The following PRKG1 variants were observed in gnomAD, a reference collection of about 807,000 sequenced individuals.
PRKG1 encodes cGMP-dependent protein kinase 1.
In PRKG1, 35 loss-of-function variants were observed where a neutral mutation model predicts 88.1. The ratio of observed to expected loss-of-function variants is 0.40; its 90% CI spans 0.30 to 0.53. The LOEUF is 0.53. Ranked by LOEUF, PRKG1 falls within the 20% of genes least tolerant of loss-of-function variation. The pLI is 0.59. For synonymous variants in PRKG1, 303 were observed against 292.5 expected, an observed-to-expected ratio of 1.04 and a Z score of -0.37; for missense variants, 540 against 839.8, an observed-to-expected ratio of 0.64 and a Z score of 4.41.
intron 3 of PRKG1, among the ~76,000 whole-genome samples, chr10:51,571,257 T>C (rs1018370840): frequency 1.3e-5 from 2 of 151,970 alleles, no homozygotes; most frequent in Non-Finnish European, 2.9e-5. Flanking sequence ...ATTATAATTC[T>C]CATTTTTAAA....
chr10:51,591,972 G>T (rs78064589), intron 3 of PRKG1, among the ~76,000 whole-genome samples: 1 of 152,084 alleles, frequency 6.6e-6, no homozygotes, highest in Non-Finnish European at 1.5e-5. Context: ...CCCCTGTTAG[G>T]GGGGAAAACA....
chr10:51,246,324 A>G (rs1385083188), intron 2 of PRKG1, among the ~76,000 whole-genome samples: 4 of 152,126 alleles, frequency 2.6e-5, no homozygotes, highest in Non-Finnish European at 4.4e-5. Flanking sequence ...ATGGGAGCAG[A>G]GGTTGCAAAC....
At chr10:51,513,561 C>G (rs1841485831) in intron 3 of PRKG1, among the ~76,000 whole-genome samples, 1 of 91,528 alleles carries the variant, frequency 1.1e-5, no homozygotes, top group Non-Finnish European at 2.2e-5. Flanking sequence ...CAGCACCACA[C>G]CACACCTATT....
At chr10:51,255,787 T>C (rs1839542482) in intron 2 of PRKG1, among the ~76,000 whole-genome samples, 1 of 152,130 alleles carries the variant, frequency 6.6e-6, no homozygotes, top group Non-Finnish European at 1.5e-5. Flanking sequence ...CTGACCATCT[T>C]TGGGACTGGG....
intron 9 of PRKG1, among the ~76,000 whole-genome samples, chr10:52,221,955 T>C (rs1341146225): frequency 2.0e-5 from 3 of 152,172 alleles, no homozygotes; most frequent in Admixed American, 2.0e-4. Flanking sequence ...TAGGTGTTGA[T>C]GAAAAAGGTT....
intron 5 of PRKG1, among the ~76,000 whole-genome samples, chr10:51,973,220 C>A (rs539002953): frequency 3.2e-4 from 49 of 152,134 alleles, no homozygotes; most frequent in Non-Finnish European, 5.9e-4. Context: ...TGCTATGAAC[C>A]AAGGTGAAAT....
intron 5 of PRKG1, among the ~76,000 whole-genome samples, chr10:52,051,944 G>C (rs78066648): frequency 2.0e-5 from 3 of 150,100 alleles, no homozygotes; most frequent in African/African-American, 7.4e-5. Context: ...CTTCATTCAC[G>C]TGGAAGGAAG....
chr10:51,015,809 C>T (rs1372131025), intron 1 of PRKG1, among the ~76,000 whole-genome samples: 1 of 152,102 alleles, frequency 6.6e-6, no homozygotes, highest in South Asian at 2.1e-4. Flanking sequence ...ATCGCTTGAA[C>T]CTGGAAGGTG....
intron 3 of PRKG1, among the ~76,000 whole-genome samples, chr10:51,488,045 G>C (rs1200699093): frequency 2.0e-5 from 3 of 152,010 alleles, no homozygotes; most frequent in East Asian, 1.9e-4. Flanking sequence ...ATTAAAATGA[G>C]ACTACATTTT....
chr10:51,921,818 A>G (rs1842469180), intron 5 of PRKG1, among the ~76,000 whole-genome samples: 1 of 151,878 alleles, frequency 6.6e-6, no homozygotes, highest in Admixed American at 6.6e-5. Context: ...ACTTGATAAT[A>G]CTCTGATGAA....
chr10:51,400,696 A>G (rs923913837), intron 2 of PRKG1, among the ~76,000 whole-genome samples: 2 of 152,210 alleles, frequency 1.3e-5, no homozygotes, highest in South Asian at 4.1e-4. Context: ...CCCGGCACAA[A>G]TGTTTTCCCT....
chr10:51,619,598 G>C (rs968942712), intron 3 of PRKG1, among the ~76,000 whole-genome samples: 1 of 152,096 alleles, frequency 6.6e-6, no homozygotes, highest in African/African-American at 2.4e-5. Context: ...GTTTCCCAGG[G>C]CTCTTATGTT....
At chr10:51,378,060 A>C (rs1385144096) in intron 2 of PRKG1, among the ~76,000 whole-genome samples, 1 of 152,244 alleles carries the variant, frequency 6.6e-6, no homozygotes, top group Non-Finnish European at 1.5e-5. Flanking sequence ...AGGATGTCTC[A>C]TTATGAGAGA....
At chr10:51,714,170 G>A (rs1262865312) in intron 3 of PRKG1, among the ~76,000 whole-genome samples, 1 of 152,050 alleles carries the variant, frequency 6.6e-6, no homozygotes, top group East Asian at 1.9e-4. Flanking sequence ...TAGTAGAGAC[G>A]GGGTTTCACT....
At chr10:51,244,329 A>ATTTATATT (rs1839232270) in intron 2 of PRKG1, among the ~76,000 whole-genome samples, 2 of 121,480 alleles carry the variant, frequency 1.6e-5, no homozygotes, top group African/African-American at 6.3e-5. Context: ...TTTTTTTACC[A>ATTTATATT]TTTATATTGT....
intron 8 of PRKG1, among the ~76,000 whole-genome samples, chr10:52,139,686 T>C (rs1366379332): frequency 6.6e-6 from 1 of 152,112 alleles, no homozygotes; most frequent in Non-Finnish European, 1.5e-5. Flanking sequence ...TATTGGTGTT[T>C]CTGATAAGCA....
chr10:52,177,930 C>CA (rs1281403662), intron 9 of PRKG1, among the ~76,000 whole-genome samples: 3 of 146,262 alleles, frequency 2.1e-5, no homozygotes, highest in Non-Finnish European at 3.0e-5. Context: ...CATATCTTTT[C>CA]AAAAAAACAA....
chr10:51,275,317 T>C (rs1225586396), intron 2 of PRKG1, among the ~76,000 whole-genome samples: 3 of 152,250 alleles, frequency 2.0e-5, no homozygotes, highest in African/African-American at 4.8e-5. Context: ...GTGAAAATGA[T>C]CTTTATGTCA....
chr10:51,345,625 C>T (rs954614384), intron 2 of PRKG1, among the ~76,000 whole-genome samples: 4 of 152,104 alleles, frequency 2.6e-5, no homozygotes, highest in Non-Finnish European at 5.9e-5. Context: ...TACATAATCT[C>T]ATTTGGAACA....
Sources: gnomAD v4.1 joint callset for allele counts (sites outside exome capture counted in the v4.1 genomes callset) on GRCh38, gnomAD v4.1.1 for gene constraint, MANE v1.5 for transcripts, NCBI Gene and HGNC (gene_info 2026-07-23, HGNC 2026-07-21) for gene names.